Variants in FAM227B observed in about 807,000 individuals in gnomAD.
FAM227B encodes protein FAM227B.
In FAM227B, 88 loss-of-function variants were observed where a neutral mutation model predicts 73.8. The observed-to-expected ratio is 1.19, with a 90% CI of 1.00 to 1.42. The LOEUF is 1.42. Among genes scored for constraint, FAM227B ranks in the 40% most tolerant of loss-of-function variants. The pLI, the probability that FAM227B is intolerant of heterozygous loss-of-function variation, is 0.00. For synonymous variants in FAM227B, 210 were observed against 190.5 expected (o/e 1.10, Z -0.84); for missense variants, 632 against 590.9 (o/e 1.07, Z -0.72).
chr15:49,469,858 A>G (rs959999756), intron 11 of FAM227B, among the ~76,000 whole-genome samples: 6 of 152,156 alleles, frequency 3.9e-5, no homozygotes, highest in African/African-American at 1.4e-4. Flanking sequence ...CTAAGAAGTC[A>G]TAATGATAAG....
rs1165430497 is a variant in FAM227B, at chr15:49,328,390, A to ATCT, written c.*175_*177dup. On this transcript the variant is annotated 3_prime_UTR_variant, in exon 16 of 16. Coordinates refer to ENST00000299338, the MANE Select transcript of FAM227B (RefSeq NM_152647.3). ...AAGAGCCAAGATCATGCTTGGACAGATCTTTTAAGAATAACTTACTGAGAT... is the reference window on the plus strand; with the variant it reads ...AAGAGCCAAGATCATGCTTGGACAGATCTTCTTTTAAGAATAACTTACTGAGAT... The ATCT allele has an allele frequency of 4.2e-6, 6 of 1,428,752 alleles. No homozygotes were observed. The African/African-American group carries it at 8.6e-5, about 20-fold the overall frequency. The allele number at this position is 1,428,752 out of a possible 1,614,324, so 88.5% of individuals were successfully genotyped here.
At chr15:49,611,077 G>A in intron 3 of FAM227B, 138 bp downstream of exon 3, 1 of 542,398 alleles carries the variant, frequency 1.8e-6, no homozygotes, top group East Asian at 2.9e-5. Flanking sequence ...AAGGACATAA[G>A]TATTTATATA....
chr15:49,576,636 CA>C, intron 7 of FAM227B, 104 bp downstream of exon 7: 1 of 690,708 alleles, frequency 1.4e-6, no homozygotes, highest in South Asian at 1.9e-5. Flanking sequence ...CCCAAAGGAT[CA>C]AATCTTGTTG....
At chr15:49,494,256 A>ACACACACACACACACACACAC (rs1467706350) in intron 11 of FAM227B, among the ~76,000 whole-genome samples, 1 of 140,606 alleles carries the variant, frequency 7.1e-6, no homozygotes, top group African/African-American at 2.6e-5. Flanking sequence ...GAGACACACA[A>ACACACACACACACACACACAC]ACACACACAC....
chr15:49,600,411 TGA>T (rs1180831754), intron 3 of FAM227B, among the ~76,000 whole-genome samples: 1 of 151,584 alleles, frequency 6.6e-6, no homozygotes, highest in East Asian at 1.9e-4. Context: ...CTAAGCATTT[TGA>T]GAGGCCAAGG....
chr15:49,471,344 T>C (rs1010338521), intron 11 of FAM227B, among the ~76,000 whole-genome samples: 3 of 151,794 alleles, frequency 2.0e-5, no homozygotes, highest in Non-Finnish European at 4.4e-5. Flanking sequence ...AATTAGCTGG[T>C]GTGGTGGCAC....
chr15:49,513,876 T>C (rs2059194377), intron 10 of FAM227B, among the ~76,000 whole-genome samples: 1 of 152,210 alleles, frequency 6.6e-6, no homozygotes, highest in Non-Finnish European at 1.5e-5. Flanking sequence ...CGCTTGTTTT[T>C]GTCAGGTTTG....
chr15:49,463,567 T>A (rs57406474), intron 11 of FAM227B, among the ~76,000 whole-genome samples: 46,754 of 145,188 alleles, frequency 0.32, 8,347 homozygotes, highest in African/African-American at 0.45. Context: ...AAAAAAAAAA[T>A]ATCCAAACTC....
At chr15:49,443,409 C>T (rs1318870026) in intron 11 of FAM227B, among the ~76,000 whole-genome samples, 1 of 151,504 alleles carries the variant, frequency 6.6e-6, no homozygotes, top group East Asian at 2.0e-4. Context: ...TTGGACCCAA[C>T]TATGATAAGA....
intron 11 of FAM227B, among the ~76,000 whole-genome samples, chr15:49,437,317 G>C (rs2051196049): frequency 6.6e-6 from 1 of 151,592 alleles, no homozygotes; most frequent in African/African-American, 2.4e-5. Context: ...AGAAACAGCA[G>C]AGAGTTTGTT....
chr15:49,563,473 CAGA>C (rs2074412249), intron 9 of FAM227B, among the ~76,000 whole-genome samples: 1 of 152,116 alleles, frequency 6.6e-6, no homozygotes, highest in African/African-American at 2.4e-5. Context: ...CTATTTTTCA[CAGA>C]AGTAGAAAAA....
chr15:49,547,665 G>A (rs933395799), intron 9 of FAM227B, among the ~76,000 whole-genome samples: 8 of 152,124 alleles, frequency 5.3e-5, no homozygotes, highest in Non-Finnish European at 1.2e-4. Context: ...AACCAACAAG[G>A]AGTAGCTATT....
At chr15:49,372,249 A>AATAAATGAAATAAAATTCACTT (rs1439575648) in intron 11 of FAM227B, among the ~76,000 whole-genome samples, 3 of 151,688 alleles carry the variant, frequency 2.0e-5, no homozygotes, top group African/African-American at 4.8e-5. Flanking sequence ...TTCACTTATA[A>AATAAATGAAATAAAATTCACTT]ATAAATGAAA....
Position 49,327,968 on chromosome 15 carries a change from G to C in FAM227B, c.*600C>G. On this transcript the variant is annotated 3_prime_UTR_variant, in exon 16 of 16. Transcript: ENST00000299338. ...CTGTTTTAGGAAGTTTGGGGCTCAA[G>C]GGTCACGACTTACTGGAGCAGGATG... 2 of 1,612,020 alleles carry C rather than the reference G, an allele frequency of 1.2e-6. No homozygotes were observed. Among genetic ancestry groups the C allele is most frequent in the Non-Finnish European group, 1.7e-6 (2 of 1,178,654 alleles).
chr15:49,586,640 T>G (rs2076182180), intron 5 of FAM227B, among the ~76,000 whole-genome samples: 1 of 152,198 alleles, frequency 6.6e-6, no homozygotes, highest in African/African-American at 2.4e-5. Context: ...AAACTACGCA[T>G]CTTACAAAGG....
chr15:49,583,421 T>C (rs2075942300), intron 5 of FAM227B, among the ~76,000 whole-genome samples: 8 of 151,692 alleles, frequency 5.3e-5, no homozygotes, highest in Admixed American at 5.3e-4. Flanking sequence ...CCTCAAGTCA[T>C]CCTCACTGCT....
At chr15:49,556,018 C>G (rs1036942635) in intron 9 of FAM227B, among the ~76,000 whole-genome samples, 2 of 152,090 alleles carry the variant, frequency 1.3e-5, no homozygotes, top group Admixed American at 1.3e-4. Flanking sequence ...AATTCTGTAT[C>G]TAGAATTAGG....
chr15:49,331,341 CCTTTCTTTT>C (rs1156944074), intron 15 of FAM227B: 1 of 154,002 alleles, frequency 6.5e-6, no homozygotes, highest in Non-Finnish European at 1.4e-5. Flanking sequence ...GGAACAGGCT[CCTTTCTTTT>C]CTTTCTTTCT....
At chr15:49,458,283 A>ACC (rs141562492) in intron 11 of FAM227B, among the ~76,000 whole-genome samples, 3 of 151,628 alleles carry the variant, frequency 2.0e-5, no homozygotes, top group East Asian at 3.9e-4. Flanking sequence ...GAGAAAAAGA[A>ACC]CCCCCCCACG....
Sources: gnomAD v4.1 joint callset for allele counts (sites outside exome capture counted in the v4.1 genomes callset) on GRCh38, gnomAD v4.1.1 for gene constraint, MANE v1.5 for transcripts, NCBI Gene and HGNC (gene_info 2026-07-23, HGNC 2026-07-21) for gene names.